The following PBX3 variants were observed in gnomAD, a reference collection of about 807,000 sequenced individuals.
PBX3 encodes the protein PBX homeobox 3.
In PBX3, 14 loss-of-function variants were observed where a neutral mutation model predicts 48.5. That is an observed-to-expected ratio of 0.29 (90% CI 0.19 to 0.45). The LOEUF (loss-of-function observed/expected upper bound fraction) is 0.45. Ranked by LOEUF, PBX3 falls within the 20% of genes least tolerant of loss-of-function variation. The pLI is 1.00. For synonymous variants in PBX3, 210 were observed against 200.3 expected (o/e 1.05, Z -0.41); for missense variants, 386 against 546.7 (o/e 0.71, Z 2.93).
intron 2 of PBX3, among the ~76,000 whole-genome samples, chr9:125,775,609 A>G (rs1465917422): frequency 1.3e-5 from 2 of 152,308 alleles, no homozygotes; most frequent in Non-Finnish European, 2.9e-5. Context: ...CCATATGTCT[A>G]TCCTTATTCC....
chr9:125,892,211 C>T (rs1840663765), intron 2 of PBX3, among the ~76,000 whole-genome samples: 1 of 152,148 alleles, frequency 6.6e-6, no homozygotes, highest in South Asian at 2.1e-4. Context: ...GCATGAGCCA[C>T]CACTCCTGGC....
chr9:125,770,498 T>G (rs987885843), intron 2 of PBX3, among the ~76,000 whole-genome samples: 2 of 152,168 alleles, frequency 1.3e-5, no homozygotes, highest in African/African-American at 4.8e-5. Context: ...CTTCTCATAC[T>G]TTAGAAGGAA....
intron 4 of PBX3, 81 bp downstream of exon 4, chr9:125,929,926 T>A: frequency 9.3e-7 from 1 of 1,074,784 alleles, no homozygotes; most frequent in South Asian, 1.5e-5. Flanking sequence ...AACTGACCAG[T>A]TGGTCTTAGA....
intron 2 of PBX3, among the ~76,000 whole-genome samples, chr9:125,913,812 A>C (rs1266840048): frequency 6.6e-6 from 1 of 152,192 alleles, no homozygotes; most frequent in Non-Finnish European, 1.5e-5. Context: ...TAAATACAAA[A>C]ATCAACAAAC....
At chr9:125,810,576 G>C (rs10986937) in intron 2 of PBX3, among the ~76,000 whole-genome samples, 8,984 of 152,194 alleles carry the variant, frequency 0.059, 610 homozygotes, top group East Asian at 0.17. Flanking sequence ...TGATTTCAGA[G>C]TCTAGTGGAC....
intron 5 of PBX3, among the ~76,000 whole-genome samples, chr9:125,949,112 G>C (rs1387167908): frequency 2.0e-5 from 3 of 152,312 alleles, no homozygotes; most frequent in Non-Finnish European, 2.9e-5. Flanking sequence ...TTTAACTTCA[G>C]ATGACTGTAC....
intron 2 of PBX3, among the ~76,000 whole-genome samples, chr9:125,763,909 G>T (rs1028816680): frequency 1.3e-5 from 2 of 151,992 alleles, no homozygotes; most frequent in Non-Finnish European, 2.9e-5. Context: ...AGATTTTTTT[G>T]TGGAAGCTTA....
At chr9:125,821,395 A>G (rs2132160103) in intron 2 of PBX3, among the ~76,000 whole-genome samples, 1 of 152,280 alleles carries the variant, frequency 6.6e-6, no homozygotes, top group South Asian at 2.1e-4. Context: ...AAGATTTAAG[A>G]GATACTAACA....
chr9:125,835,015 CAAAAAAAAAAAAAAA>C (rs745638368), intron 2 of PBX3, among the ~76,000 whole-genome samples: 35 of 25,176 alleles, frequency 1.4e-3, no homozygotes, highest in African/African-American at 4.5e-3. Flanking sequence ...AACTCTGTCT[CAAAAAAAAAAAAAAA>C]AAAAAAAAAA....
intron 3 of PBX3, among the ~76,000 whole-genome samples, chr9:125,926,165 A>G (rs1177033918): frequency 6.6e-6 from 1 of 152,238 alleles, no homozygotes; most frequent in Non-Finnish European, 1.5e-5. Flanking sequence ...AGAAAAAGAT[A>G]TATACGTATA....
At chr9:125,757,708 A>G (rs982711837) in intron 2 of PBX3, among the ~76,000 whole-genome samples, 3 of 152,152 alleles carry the variant, frequency 2.0e-5, no homozygotes, top group African/African-American at 7.2e-5. Flanking sequence ...ACTAACATGA[A>G]AAGTTGTATT....
chr9:125,784,479 T>C (rs1837408918), intron 2 of PBX3, among the ~76,000 whole-genome samples: 2 of 152,308 alleles, frequency 1.3e-5, no homozygotes, highest in South Asian at 4.1e-4. Context: ...TATTTTAATG[T>C]GGTGGTAACT....
At chr9:125,925,787 A>G (rs1346174810) in intron 3 of PBX3, among the ~76,000 whole-genome samples, 1 of 152,216 alleles carries the variant, frequency 6.6e-6, no homozygotes, top group Non-Finnish European at 1.5e-5. Flanking sequence ...GTGGCTCACA[A>G]TGTATTTCTA....
chr9:125,818,573 T>C (rs1006417684), intron 2 of PBX3, among the ~76,000 whole-genome samples: 2 of 152,134 alleles, frequency 1.3e-5, no homozygotes, highest in African/African-American at 4.8e-5. Context: ...GGTCTCAAAC[T>C]CCTGACCCCA....
intron 2 of PBX3, among the ~76,000 whole-genome samples, chr9:125,776,951 A>C (rs1837087965): frequency 6.6e-6 from 1 of 151,958 alleles, no homozygotes; most frequent in Admixed American, 6.6e-5. Flanking sequence ...TCTGCCTCCC[A>C]AAGTGCTGGA....
intron 5 of PBX3, among the ~76,000 whole-genome samples, chr9:125,941,152 G>A (rs1841951334): frequency 6.6e-6 from 1 of 152,162 alleles, no homozygotes; most frequent in Non-Finnish European, 1.5e-5. Context: ...CCCCTCCTGA[G>A]GAAGTATCTT....
intron 2 of PBX3, among the ~76,000 whole-genome samples, chr9:125,854,941 A>G (rs1209281147): frequency 6.6e-6 from 1 of 152,220 alleles, no homozygotes; most frequent in Non-Finnish European, 1.5e-5. Flanking sequence ...TAAGGGTGTT[A>G]TGAAAAGAGC....
intron 5 of PBX3, chr9:125,949,368 G>A: frequency 1.3e-6 from 2 of 1,550,448 alleles, no homozygotes; most frequent in Non-Finnish European, 1.7e-6. Flanking sequence ...TTTTCTTGCC[G>A]GGCATACAGA....
At chr9:125,856,739 T>C (rs1839734340) in intron 2 of PBX3, among the ~76,000 whole-genome samples, 1 of 152,238 alleles carries the variant, frequency 6.6e-6, no homozygotes, top group Non-Finnish European at 1.5e-5. Flanking sequence ...GGAATGTTTG[T>C]AGCTAGCAAT....
Sources: gnomAD v4.1 joint callset for allele counts (sites outside exome capture counted in the v4.1 genomes callset) on GRCh38, gnomAD v4.1.1 for gene constraint, MANE v1.5 for transcripts, NCBI Gene and HGNC (gene_info 2026-07-23, HGNC 2026-07-21) for gene names.